The following ADCY1 variants were observed in gnomAD, a reference collection of about 807,000 sequenced individuals.
ADCY1 encodes the protein adenylate cyclase 1, also known as adenylate cyclase type 1.
Under a neutral mutation model 105.4 loss-of-function variants are expected in ADCY1, and 28 were observed. The ratio of observed to expected loss-of-function variants is 0.27; its 90% confidence interval spans 0.20 to 0.36. The LOEUF is 0.36. Among genes scored for constraint, ADCY1 ranks in the 10% least tolerant of loss-of-function variants. The pLI is 1.00. For synonymous variants in ADCY1, 655 were observed against 623.8 expected, an observed-to-expected ratio of 1.05 and a Z score of -0.75; for missense variants, 977 against 1,434.2, an observed-to-expected ratio of 0.68 and a Z score of 5.15.
At chr7:45,657,994 G>A in intron 6 of ADCY1, 109 bp downstream of exon 6, 1 of 1,277,036 alleles carries the variant, frequency 7.8e-7, no homozygotes, top group Non-Finnish European at 1.1e-6. Flanking sequence ...GCACTTGTGT[G>A]AGTGCTCCTG....
At chr7:45,704,983 A>G (rs1465401768) in intron 17 of ADCY1, among the ~76,000 whole-genome samples, 1 of 138,194 alleles carries the variant, frequency 7.2e-6, no homozygotes, top group African/African-American at 2.8e-5. Context: ...TCCTCCCATC[A>G]GCCTTGCACT....
intron 7 of ADCY1, among the ~76,000 whole-genome samples, chr7:45,661,482 A>T (rs572967741): frequency 6.6e-6 from 1 of 152,050 alleles, no homozygotes; most frequent in South Asian, 2.1e-4. Context: ...AGGAACGATG[A>T]CAGTGGAGCA....
intron 4 of ADCY1, among the ~76,000 whole-genome samples, chr7:45,638,554 G>A (rs549753322): frequency 6.7e-6 from 1 of 148,474 alleles, no homozygotes; most frequent in South Asian, 2.1e-4. Context: ...TTTTTCAAGT[G>A]TATGTTTTAC....
At chr7:45,695,405 A>G (rs1784861714) in intron 14 of ADCY1, among the ~76,000 whole-genome samples, 1 of 152,208 alleles carries the variant, frequency 6.6e-6, no homozygotes, top group Non-Finnish European at 1.5e-5. Context: ...AATCTGCCAA[A>G]CCCTAAATGG....
At chr7:45,692,712 T>A (rs2116228451) in intron 14 of ADCY1, among the ~76,000 whole-genome samples, 1 of 152,300 alleles carries the variant, frequency 6.6e-6, no homozygotes, top group African/African-American at 2.4e-5. Flanking sequence ...CACACACAAA[T>A]GGTAACTGCA....
At chr7:45,695,601 A>G (rs1784865320) in intron 14 of ADCY1, among the ~76,000 whole-genome samples, 1 of 152,212 alleles carries the variant, frequency 6.6e-6, no homozygotes, top group South Asian at 2.1e-4. Context: ...TCAAGATTTC[A>G]TATGCATGTG....
At chr7:45,675,074 T>G (rs1315901878) in intron 8 of ADCY1, among the ~76,000 whole-genome samples, 5 of 152,204 alleles carry the variant, frequency 3.3e-5, no homozygotes, top group African/African-American at 1.2e-4. Flanking sequence ...GTCTGCTATT[T>G]AACTTATTTT....
At chr7:45,649,128 G>A (rs768114008) in intron 5 of ADCY1, among the ~76,000 whole-genome samples, 3 of 152,210 alleles carry the variant, frequency 2.0e-5, no homozygotes, top group Admixed American at 6.5e-5. Flanking sequence ...ATACAGAAAG[G>A]TTTGGCCCCA....
intron 4 of ADCY1, among the ~76,000 whole-genome samples, chr7:45,633,025 C>A (rs1032408196): frequency 6.6e-6 from 1 of 152,104 alleles, no homozygotes; most frequent in African/African-American, 2.4e-5. Context: ...TCAAGTGATT[C>A]TCCTACCTCA....
chr7:45,596,848 A>G (rs1793088439), intron 2 of ADCY1, among the ~76,000 whole-genome samples: 1 of 152,162 alleles, frequency 6.6e-6, no homozygotes, highest in African/African-American at 2.4e-5. Context: ...GCCTAGCAGG[A>G]AAGAGACATC....
At chr7:45,622,963 A>G (rs1456719552) in intron 4 of ADCY1, among the ~76,000 whole-genome samples, 2 of 152,220 alleles carry the variant, frequency 1.3e-5, no homozygotes, top group African/African-American at 4.8e-5. Context: ...ATGCTTGCAC[A>G]AGCATGGCCA....
chr7:45,704,354 C>T (rs1785066041), intron 16 of ADCY1, among the ~76,000 whole-genome samples, 164 bp from the exon 17 acceptor site: 2 of 152,242 alleles, frequency 1.3e-5, no homozygotes, highest in African/African-American at 4.8e-5. Flanking sequence ...TGCCTCACCT[C>T]TTCTTGCCAG....
chr7:45,640,944 G>C (rs940105619), intron 4 of ADCY1, among the ~76,000 whole-genome samples: 1 of 152,124 alleles, frequency 6.6e-6, no homozygotes, highest in Admixed American at 6.5e-5. Flanking sequence ...CCTAAGAGGG[G>C]TCCCTGCTCT....
chr7:45,706,308 G>A (rs1461385190), intron 17 of ADCY1, among the ~76,000 whole-genome samples: 1 of 152,132 alleles, frequency 6.6e-6, no homozygotes, highest in Non-Finnish European at 1.5e-5. Flanking sequence ...CAAAGCTGTA[G>A]TAATCAAGAC....
intron 1 of ADCY1, among the ~76,000 whole-genome samples, chr7:45,592,420 T>C (rs760567510): frequency 2.0e-5 from 3 of 152,220 alleles, no homozygotes; most frequent in Non-Finnish European, 4.4e-5. Flanking sequence ...CCCGATGGCC[T>C]CATTTTAACT....
chr7:45,647,125 G>A lies in ADCY1; in HGVS notation c.1021-1545G>A, dbSNP rs1794682636. ...GCGGTGGCCAGGGCCATCTCTCAAG[G>A]TCCCTGCAACGCCAGGCCTGAGGGC... On this transcript the variant is annotated intron_variant, in intron 4 of 19. Coordinates refer to ENST00000297323, the MANE Select transcript of ADCY1 (RefSeq NM_021116.4). This position sits in a 1 kb window ranked among gnomAD's most constrained non-coding sequence, Gnocchi z 4.6. 6.6e-6 allele frequency among the ~76,000 whole-genome samples: 1 copy of A among 152,218 alleles called. No homozygotes were observed. Among genetic ancestry groups the A allele is most frequent in the Non-Finnish European group, 1.5e-5 (1 of 68,040 alleles).
rs1482465237 is a variant in ADCY1 at position 45,686,903 on chromosome 7, G to A, written c.2454+230G>A. ...GAGAGGACAGTTCAGAAGGTTGTGG[G>A]GTGCATGTTGTGGAGACCTGCCTGA... On this transcript the variant is annotated intron_variant, in intron 14 of 19. Transcript: ENST00000297323. The surrounding 1 kb of genome is among the most constrained non-coding windows in gnomAD (Gnocchi z 4.3). Among the ~76,000 whole-genome samples the A allele has an allele frequency of 2.6e-5, 4 of 152,142 alleles. No individual in the cohort carries two copies. Among genetic ancestry groups the A allele is most frequent in the African/African-American group, 9.7e-5 (4 of 41,432 alleles).
intron 3 of ADCY1, among the ~76,000 whole-genome samples, chr7:45,613,598 A>G (rs2115884813): frequency 6.6e-6 from 1 of 152,290 alleles, no homozygotes; most frequent in Middle Eastern, 3.4e-3. Flanking sequence ...ATCATTAAAT[A>G]TGAATATGTA....
At chr7:45,678,385 A>G (rs1477196311) in intron 10 of ADCY1, 122 bp downstream of exon 10, 1 of 922,092 alleles carries the variant, frequency 1.1e-6, no homozygotes, top group Non-Finnish European at 1.7e-6. Context: ...CGTCTCCCAC[A>G]GTTATTGTCC....
Sources: gnomAD v4.1 joint callset for allele counts (sites outside exome capture counted in the v4.1 genomes callset) on GRCh38, gnomAD v4.1.1 for gene constraint, Gnocchi (gnomAD v3.1) non-coding constraint, MANE v1.5 for transcripts, NCBI Gene and HGNC (gene_info 2026-07-23, HGNC 2026-07-21) for gene names.